VWC2L: variants seen among roughly 807,000 people sequenced by gnomAD.
VWC2L encodes the protein von Willebrand factor C domain containing 2 like, also known as von Willebrand factor C domain-containing protein 2-like.
Under a neutral mutation model 21.6 loss-of-function variants are expected in VWC2L, and 10 were observed. The ratio of observed to expected loss-of-function variants is 0.46; its 90% CI spans 0.29 to 0.78. VWC2L has a LOEUF of 0.78. Among genes scored for constraint, VWC2L ranks in the 30% least tolerant of loss-of-function variants. The pLI, the probability that VWC2L is intolerant of heterozygous loss-of-function variation, is 0.10. For synonymous variants in VWC2L, 96 were observed against 94.3 expected, an observed-to-expected ratio of 1.02 and a Z score of -0.10; for missense variants, 209 against 277.1, an observed-to-expected ratio of 0.75 and a Z score of 1.74.
At chr2:214,488,082 C>T (rs1378196245) in intron 3 of VWC2L, among the ~76,000 whole-genome samples, 1 of 152,192 alleles carries the variant, frequency 6.6e-6, no homozygotes, top group East Asian at 1.9e-4. Flanking sequence ...TTGGATTCTA[C>T]TGCAGCTACA....
chr2:214,456,905 GTTCT>G (rs961947295), intron 3 of VWC2L, among the ~76,000 whole-genome samples: 14 of 152,028 alleles, frequency 9.2e-5, no homozygotes, highest in African/African-American at 3.1e-4. Context: ...TTATTTTTGG[GTTCT>G]TTATTATGTT....
At chr2:214,543,962 G>C (rs551857708) in intron 3 of VWC2L, among the ~76,000 whole-genome samples, 1 of 152,166 alleles carries the variant, frequency 6.6e-6, no homozygotes, top group African/African-American at 2.4e-5. Flanking sequence ...GATCTATAGC[G>C]CTTTGCAAGT....
At chr2:214,414,882 T>C (rs1310473688) in intron 2 of VWC2L, 5 of 349,716 alleles carry the variant, frequency 1.4e-5, no homozygotes, top group African/African-American at 2.2e-5. Flanking sequence ...AAAATATGTT[T>C]TCTGATGGGA....
chr2:214,506,979 T>TAA (rs35092603), intron 3 of VWC2L, among the ~76,000 whole-genome samples: 1 of 151,812 alleles, frequency 6.6e-6, no homozygotes, highest in Non-Finnish European at 1.5e-5. Context: ...TTCTAATTTT[T>TAA]AAAAAATGTT....
chr2:214,463,469 C>T (rs945372140), intron 3 of VWC2L, among the ~76,000 whole-genome samples: 46 of 151,914 alleles, frequency 3.0e-4, no homozygotes, highest in Non-Finnish European at 5.7e-4. Flanking sequence ...CTATAAAGTC[C>T]TTTTCTTATA....
At chr2:214,450,864 C>G (rs920534202) in intron 3 of VWC2L, among the ~76,000 whole-genome samples, 6 of 152,032 alleles carry the variant, frequency 3.9e-5, no homozygotes, top group Admixed American at 1.3e-4. Context: ...GTTTATTAAG[C>G]CCTGATATGT....
chr2:214,413,469 C>T (rs1702307293), intron 1 of VWC2L, among the ~76,000 whole-genome samples: 1 of 152,050 alleles, frequency 6.6e-6, no homozygotes, highest in Non-Finnish European at 1.5e-5. Flanking sequence ...CTCTTAATCA[C>T]TATGGAATAG....
At chr2:214,434,300 C>T (rs1180335372) in intron 2 of VWC2L, among the ~76,000 whole-genome samples, 1 of 152,134 alleles carries the variant, frequency 6.6e-6, no homozygotes, top group Non-Finnish European at 1.5e-5. Flanking sequence ...CATCTAGTTA[C>T]CAGGTTCCAA....
chr2:214,475,833 C>T (rs1012436224), intron 3 of VWC2L, among the ~76,000 whole-genome samples: 1 of 151,952 alleles, frequency 6.6e-6, no homozygotes, highest in African/African-American at 2.4e-5. Flanking sequence ...TACATGAATC[C>T]CCTGTTGCAG....
At chr2:214,428,054 A>G (rs1460504274) in intron 2 of VWC2L, among the ~76,000 whole-genome samples, 3 of 152,220 alleles carry the variant, frequency 2.0e-5, no homozygotes, top group African/African-American at 4.8e-5. Context: ...TTTAATAAGA[A>G]TAAGTTATAA....
intron 3 of VWC2L, chr2:214,536,988 A>ACACACACG (rs1689542481): frequency 1.3e-5 from 2 of 151,602 alleles, no homozygotes; most frequent in African/African-American, 4.9e-5. Context: ...ACACACACAC[A>ACACACACG]CACACACACA....
intron 3 of VWC2L, among the ~76,000 whole-genome samples, chr2:214,504,588 AG>A (rs1645716444): frequency 6.6e-6 from 1 of 152,206 alleles, no homozygotes; most frequent in African/African-American, 2.4e-5. Flanking sequence ...GTTAGGGGGC[AG>A]GGTCTGAACA....
intron 3 of VWC2L, among the ~76,000 whole-genome samples, chr2:214,518,666 G>A (rs1283491485): frequency 6.6e-6 from 1 of 152,106 alleles, no homozygotes; most frequent in Non-Finnish European, 1.5e-5. Context: ...CCTCACAGTA[G>A]AAAATGATTT....
At chr2:214,513,063 A>G (rs1689081802) in intron 3 of VWC2L, among the ~76,000 whole-genome samples, 1 of 152,126 alleles carries the variant, frequency 6.6e-6, no homozygotes, top group South Asian at 2.1e-4. Context: ...GGAAAGCTGC[A>G]TCTTGGTCAT....
chr2:214,533,549 G>GAA (rs35750110), intron 3 of VWC2L, among the ~76,000 whole-genome samples: 26,615 of 141,564 alleles, frequency 0.19, 2,744 homozygotes, highest in East Asian at 0.25. Flanking sequence ...AGGGGAAAAA[G>GAA]AAAAAAAAAA....
intron 1 of VWC2L, among the ~76,000 whole-genome samples, chr2:214,413,188 A>G (rs1702302902): frequency 6.6e-6 from 1 of 152,090 alleles, no homozygotes; most frequent in African/African-American, 2.4e-5. Flanking sequence ...GATTTTGTAC[A>G]TGTAAATATT....
At chr2:214,475,697 C>T (rs58468750) in intron 3 of VWC2L, among the ~76,000 whole-genome samples, 9,908 of 151,476 alleles carry the variant, frequency 0.065, 1,033 homozygotes, top group African/African-American at 0.23. Flanking sequence ...GAACAGAAAC[C>T]GGAAATCTGA....
At chr2:214,456,464 C>A (rs974113200) in intron 3 of VWC2L, among the ~76,000 whole-genome samples, 2 of 151,936 alleles carry the variant, frequency 1.3e-5, no homozygotes, top group Admixed American at 6.6e-5. Flanking sequence ...ATATTCCGGA[C>A]ATTACGCCTT....
intron 3 of VWC2L, among the ~76,000 whole-genome samples, chr2:214,455,390 A>G (rs970190058): frequency 6.6e-6 from 1 of 152,146 alleles, no homozygotes; most frequent in African/African-American, 2.4e-5. Flanking sequence ...TTTTGATTCT[A>G]TGTAATTTCA....
Sources: allele counts gnomAD v4.1 joint callset (sites outside exome capture counted in the v4.1 genomes callset), GRCh38; gene constraint gnomAD v4.1.1; transcripts MANE v1.5; gene names NCBI Gene and HGNC (gene_info 2026-07-23, HGNC 2026-07-21).